CNTNAP5: variants seen among roughly 807,000 people sequenced by gnomAD.
The protein encoded by CNTNAP5 is contactin-associated protein-like 5.
In CNTNAP5, 72 loss-of-function variants were observed where a neutral mutation model predicts 150.2. That is an observed-to-expected ratio of 0.48 (90% confidence interval 0.40 to 0.58). The LOEUF is 0.58. CNTNAP5 is among the 20% of genes least tolerant of loss of function. CNTNAP5 has a pLI of 0.00. For missense variants in CNTNAP5, 1,636 were observed against 1,626.2 expected, an observed-to-expected ratio of 1.01 and a Z score of -0.10; for synonymous variants, 672 against 619.8, an observed-to-expected ratio of 1.08 and a Z score of -1.25.
intron 1 of CNTNAP5, among the ~76,000 whole-genome samples, chr2:124,171,716 C>CT (rs569538161): frequency 4.5e-4 from 69 of 152,088 alleles, no homozygotes; most frequent in South Asian, 8.3e-4. Flanking sequence ...AAAGGCCAAG[C>CT]TTTTTTTTGT....
At chr2:124,203,116 T>C (rs1232016512) in intron 1 of CNTNAP5, among the ~76,000 whole-genome samples, 1 of 152,142 alleles carries the variant, frequency 6.6e-6, no homozygotes, top group East Asian at 1.9e-4. Flanking sequence ...AGGACAGGCA[T>C]TGTGTAAATA....
chr2:124,603,752 G>T (rs979525258), intron 11 of CNTNAP5, among the ~76,000 whole-genome samples: 7 of 152,114 alleles, frequency 4.6e-5, no homozygotes, highest in Non-Finnish European at 8.8e-5. Context: ...CAAGATAGAT[G>T]CTACGTAGGT....
chr2:124,485,347 C>G (rs1048094429), intron 7 of CNTNAP5, among the ~76,000 whole-genome samples: 4 of 152,108 alleles, frequency 2.6e-5, no homozygotes, highest in Non-Finnish European at 4.4e-5. Flanking sequence ...GGCACGGTGG[C>G]TCACGCCTGT....
intron 6 of CNTNAP5, among the ~76,000 whole-genome samples, chr2:124,447,442 A>C (rs1692849716): frequency 6.6e-6 from 1 of 152,150 alleles, no homozygotes; most frequent in African/African-American, 2.4e-5. Context: ...AGTGAAATGA[A>C]CCAGTTCAAT....
intron 21 of CNTNAP5, among the ~76,000 whole-genome samples, chr2:124,876,842 G>A (rs1431205043): frequency 6.6e-6 from 1 of 151,810 alleles, no homozygotes; most frequent in Non-Finnish European, 1.5e-5. Context: ...TGTCTGTTTG[G>A]GTAATAAAGT....
intron 1 of CNTNAP5, among the ~76,000 whole-genome samples, chr2:124,117,890 C>T (rs1348723739): frequency 3.9e-5 from 6 of 152,118 alleles, no homozygotes; most frequent in African/African-American, 1.4e-4. Context: ...TCAAGACCAG[C>T]CTGGGTAACA....
intron 1 of CNTNAP5, among the ~76,000 whole-genome samples, chr2:124,134,255 TAAAAG>T (rs1192178773): frequency 6.6e-6 from 1 of 150,570 alleles, no homozygotes; most frequent in Non-Finnish European, 1.5e-5. Flanking sequence ...CTTCCTGGAG[TAAAAG>T]AAAAGAAAAT....
At chr2:124,621,440 A>G (rs1677612591) in intron 12 of CNTNAP5, among the ~76,000 whole-genome samples, 2 of 152,120 alleles carry the variant, frequency 1.3e-5, no homozygotes, top group Admixed American at 6.6e-5. Flanking sequence ...AAGTCTCCAT[A>G]TCTTGTCACT....
intron 2 of CNTNAP5, among the ~76,000 whole-genome samples, chr2:124,234,766 A>G (rs888794969): frequency 6.6e-6 from 1 of 152,080 alleles, no homozygotes; most frequent in Non-Finnish European, 1.5e-5. Context: ...TGATTGCTCC[A>G]TTTTTCCAAA....
At chr2:124,552,251 A>G (rs1695644407) in intron 10 of CNTNAP5, among the ~76,000 whole-genome samples, 1 of 152,024 alleles carries the variant, frequency 6.6e-6, no homozygotes, top group Non-Finnish European at 1.5e-5. Flanking sequence ...TTAAATGTTC[A>G]CTCTGCCCTC....
chr2:124,852,405 C>A (rs575844603), intron 19 of CNTNAP5, among the ~76,000 whole-genome samples: 1 of 152,046 alleles, frequency 6.6e-6, no homozygotes, highest in South Asian at 2.1e-4. Flanking sequence ...ATAAAGTCTC[C>A]AAAGAAGGAG....
At chr2:124,132,851 C>T (rs1022838492) in intron 1 of CNTNAP5, among the ~76,000 whole-genome samples, 3 of 152,044 alleles carry the variant, frequency 2.0e-5, no homozygotes, top group Non-Finnish European at 2.9e-5. Context: ...TCTATGTGTC[C>T]ATTTCTCAGC....
At chr2:124,514,462 C>T (rs536187499) in intron 8 of CNTNAP5, among the ~76,000 whole-genome samples, 1 of 152,210 alleles carries the variant, frequency 6.6e-6, no homozygotes, top group Non-Finnish European at 1.5e-5. Flanking sequence ...TTTACTTTGA[C>T]AATTTTCTCA....
intron 1 of CNTNAP5, among the ~76,000 whole-genome samples, chr2:124,142,466 G>C (rs1684140188): frequency 6.7e-6 from 1 of 150,270 alleles, no homozygotes; most frequent in South Asian, 2.1e-4. Flanking sequence ...AATCAAACTA[G>C]AACTCAGGAT....
At chr2:124,665,744 G>T (rs557482210) in intron 13 of CNTNAP5, among the ~76,000 whole-genome samples, 3 of 152,094 alleles carry the variant, frequency 2.0e-5, no homozygotes, top group East Asian at 3.9e-4. Context: ...AAATTAGCCG[G>T]GCGTGGTGGC....
chr2:124,713,287 TTC>T lies in CNTNAP5; in HGVS notation c.2078-33940_2078-33939del, dbSNP rs1288566771. Among the ~76,000 whole-genome samples the T allele has an allele frequency of 1.7e-4, 22 of 128,386 alleles. 1 individual carries two copies. The highest frequency in any genetic ancestry group is 4.9e-4 in the African/African-American group (18 of 37,014). 84.2% of individuals were successfully genotyped at this position (128,386 alleles called of 152,430 possible). On this transcript the variant is annotated intron_variant, in intron 13 of 23. Transcript: ENST00000682447. ...TTTCTTTCTTTCTTTCTTTCTTTCTTTCTTTCTTTCTTTCTTCTTTCTCTTTC... is the reference window on the plus strand; with the variant it reads ...TTTCTTTCTTTCTTTCTTTCTTTCTTTTTCTTTCTTTCTTCTTTCTCTTTC...
intron 13 of CNTNAP5, among the ~76,000 whole-genome samples, chr2:124,746,472 G>T (rs1052812697): frequency 2.0e-5 from 3 of 152,118 alleles, no homozygotes; most frequent in African/African-American, 7.2e-5. Context: ...GGTTTGTTTG[G>T]TCCACATATT....
At chr2:124,906,059 T>C (rs543628397) in intron 22 of CNTNAP5, among the ~76,000 whole-genome samples, 1 of 152,098 alleles carries the variant, frequency 6.6e-6, no homozygotes, top group East Asian at 1.9e-4. Context: ...AGTGTCTCCC[T>C]GGCCAGCAAG....
At chr2:124,230,242 G>A (rs1211123371) in intron 2 of CNTNAP5, among the ~76,000 whole-genome samples, 2 of 151,990 alleles carry the variant, frequency 1.3e-5, no homozygotes, top group Non-Finnish European at 2.9e-5. Flanking sequence ...TTTTCATCTT[G>A]ATGTCATCAG....
Sources: allele counts gnomAD v4.1 joint callset (sites outside exome capture counted in the v4.1 genomes callset), GRCh38; gene constraint gnomAD v4.1.1; transcripts MANE v1.5; gene names NCBI Gene and HGNC (gene_info 2026-07-23, HGNC 2026-07-21).